ABHD12: variants seen among roughly 807,000 people sequenced by gnomAD.
ABHD12 encodes abhydrolase domain containing 12, lysophospholipase.
In ABHD12, 43 loss-of-function variants were observed where a neutral mutation model predicts 58.3. That is an observed-to-expected ratio of 0.74 (90% confidence interval 0.58 to 0.95). The LOEUF (loss-of-function observed/expected upper bound fraction) is 0.95. Ranked by LOEUF, ABHD12 falls within the 40% of genes least tolerant of loss-of-function variation. The pLI is 0.00. For missense variants in ABHD12, 539 were observed against 537.2 expected (o/e 1.00, Z -0.03); for synonymous variants, 219 against 211.2 (o/e 1.04, Z -0.32).
chr20:25,347,619 A>G (rs956210032), intron 1 of ABHD12, among the ~76,000 whole-genome samples: 47 of 151,672 alleles, frequency 3.1e-4, no homozygotes, highest in African/African-American at 1.1e-3. Flanking sequence ...GAGCACCTTG[A>G]GTTTGAAACT....
In ABHD12 at chr20:25,300,408, T is replaced by G; in HGVS notation, c.*437A>C. 8.9e-7 allele frequency: 1 copy of G among 1,129,242 alleles called. No homozygotes were observed. The highest frequency in any genetic ancestry group is 2.2e-5 in the South Asian group (1 of 45,182). The allele number at this position is 1,129,242 out of a possible 1,614,324, so 70.0% of individuals were successfully genotyped here. A position where few individuals can be genotyped will look rare whatever the true frequency, so the allele number is the denominator to read the frequency against. ...GGAGGGGACGATGGAACCACTGGAG[T>G]CATTCTGCATGTGCTGGGAAGGTGC... On this transcript the variant is annotated 3_prime_UTR_variant, in exon 13 of 13. Coordinates refer to ENST00000339157, the MANE Select transcript of ABHD12 (RefSeq NM_001042472.3).
chr20:25,339,888 T>C (rs2089432770), intron 1 of ABHD12: 1 of 712,078 alleles, frequency 1.4e-6, no homozygotes, highest in African/African-American at 1.9e-5. Flanking sequence ...CATTTACGCG[T>C]GGGCGAGCCC....
intron 1 of ABHD12, among the ~76,000 whole-genome samples, chr20:25,356,317 G>A (rs1161963555): frequency 2.0e-5 from 3 of 152,232 alleles, no homozygotes; most frequent in African/African-American, 7.2e-5. Flanking sequence ...TAAACACTCA[G>A]TGCCTGCAAG....
intron 1 of ABHD12, among the ~76,000 whole-genome samples, chr20:25,354,500 A>G (rs2089642839): frequency 6.6e-6 from 1 of 152,208 alleles, no homozygotes; most frequent in African/African-American, 2.4e-5. Flanking sequence ...TTCATGCCTC[A>G]TAGTCTAAAA....
intron 1 of ABHD12, among the ~76,000 whole-genome samples, chr20:25,372,926 C>T (rs750451915): frequency 5.1e-4 from 78 of 152,172 alleles, no homozygotes; most frequent in Admixed American, 2.6e-4. Context: ...TGGTAAGTGC[C>T]CTATACTGTA....
intron 6 of ABHD12, among the ~76,000 whole-genome samples, chr20:25,311,165 T>C (rs747931008): frequency 6.6e-6 from 1 of 152,182 alleles, no homozygotes; most frequent in Non-Finnish European, 1.5e-5. Flanking sequence ...TGTGAACGCG[T>C]TGGGTCACAT....
At chr20:25,306,980 T>G in intron 9 of ABHD12, 65 bp from the exon 10 acceptor site, 1 of 1,212,402 alleles carries the variant, frequency 8.2e-7, no homozygotes, top group Non-Finnish European at 1.2e-6. Context: ...AGGTCAAGGG[T>G]GCAGACAGTT....
chr20:25,320,209 C>T lies in ABHD12; in HGVS notation c.532G>A (p.Ala178Thr), dbSNP rs147888888. The change falls in exon 4 of 13, where the codon GCA becomes ACA. Residue 178 changes from alanine to threonine, a missense_variant. Physicochemically the swap from Ala to Thr is moderately conservative, Grantham distance 58. Transcript: ENST00000339157. ...GCTCCTCTCCCTCACCTGGTACCTG[C>T]GTTCCCATGCAGGTACAGAATGATA... Reference protein sequence around the residue: ...HPIILYLHGNAGTRGGDHRVE... With the variant: ...HPIILYLHGNTGTRGGDHRVE... 1.2e-4 allele frequency: 192 copies of T among 1,613,880 alleles called. No individual in the cohort carries two copies. Among genetic ancestry groups the T allele is most frequent in the Non-Finnish European group, 1.4e-4 (164 of 1,180,012 alleles).
intron 1 of ABHD12, among the ~76,000 whole-genome samples, chr20:25,388,442 A>C (rs1179971766): frequency 6.6e-6 from 1 of 152,184 alleles, no homozygotes; most frequent in African/African-American, 2.4e-5. Flanking sequence ...ATCTCGAGTG[A>C]TAACAAGGTC....
intron 1 of ABHD12, among the ~76,000 whole-genome samples, chr20:25,364,779 A>G (rs758588099): frequency 6.6e-6 from 1 of 152,236 alleles, no homozygotes; most frequent in Non-Finnish European, 1.5e-5. Context: ...GAATAAGAAT[A>G]TAAGAATACT....
At chr20:25,345,272 A>T (rs2089503787) in intron 1 of ABHD12, among the ~76,000 whole-genome samples, 1 of 152,098 alleles carries the variant, frequency 6.6e-6, no homozygotes, top group Non-Finnish European at 1.5e-5. Context: ...TTTTTAGTAG[A>T]GACGGGGTTT....
intron 1 of ABHD12, among the ~76,000 whole-genome samples, chr20:25,349,425 G>C (rs1213955505): frequency 6.6e-6 from 1 of 152,190 alleles, no homozygotes; most frequent in East Asian, 1.9e-4. Context: ...GACTGAAATA[G>C]ATACTTGTAG....
At chr20:25,317,151 A>C in intron 4 of ABHD12, 73 bp from the exon 5 acceptor site, 1 of 1,047,546 alleles carries the variant, frequency 9.5e-7, no homozygotes. Context: ...TGTCCTCCAT[A>C]CCCCAAACCA....
At chr20:25,347,811 G>A (rs895096394) in intron 1 of ABHD12, among the ~76,000 whole-genome samples, 1 of 151,090 alleles carries the variant, frequency 6.6e-6, no homozygotes, top group African/African-American at 2.4e-5. Flanking sequence ...GGCAAATTCT[G>A]TAAGTCTATA....
intron 1 of ABHD12, among the ~76,000 whole-genome samples, chr20:25,382,662 T>G (rs549194736): frequency 6.6e-6 from 1 of 152,192 alleles, no homozygotes; most frequent in East Asian, 1.9e-4. Flanking sequence ...CTCCAAGGCT[T>G]CCTCCATGAA....
intron 1 of ABHD12, among the ~76,000 whole-genome samples, chr20:25,374,239 T>C (rs55991600): frequency 2.6e-4 from 40 of 152,194 alleles, no homozygotes; most frequent in African/African-American, 9.6e-4. Context: ...GGAGTACAGG[T>C]GTGTGCCACC....
intron 1 of ABHD12, among the ~76,000 whole-genome samples, chr20:25,375,722 A>G (rs1354463799): frequency 1.3e-5 from 2 of 150,552 alleles, no homozygotes; most frequent in East Asian, 3.8e-4. Flanking sequence ...TGTTTTAAAA[A>G]TTGTTTCGTG....
At chr20:25,307,002 A>G (rs879058898) in intron 9 of ABHD12, 87 bp from the exon 10 acceptor site, 1 of 1,002,562 alleles carries the variant, frequency 1.0e-6, no homozygotes. Flanking sequence ...AAGTTCAGAA[A>G]TCTATAAGGC....
intron 1 of ABHD12, among the ~76,000 whole-genome samples, chr20:25,376,421 A>G (rs1375915984): frequency 6.6e-6 from 1 of 152,200 alleles, no homozygotes; most frequent in Non-Finnish European, 1.5e-5. Context: ...AACACACAAG[A>G]GCAGTCCATA....
Sources: gnomAD v4.1 joint callset for allele counts (sites outside exome capture counted in the v4.1 genomes callset) on GRCh38, gnomAD v4.1.1 for gene constraint, MANE v1.5 for transcripts, NCBI Gene and HGNC (gene_info 2026-07-23, HGNC 2026-07-21) for gene names.